Variants in PPP2R3A observed in about 807,000 individuals in gnomAD.
PPP2R3A encodes the protein protein phosphatase 2 regulatory subunit B''alpha.
A neutral mutation model predicts 106.9 loss-of-function variants in PPP2R3A; 80 were observed. The ratio of observed to expected loss-of-function variants is 0.75; its 90% confidence interval spans 0.62 to 0.90. The LOEUF (loss-of-function observed/expected upper bound fraction) is 0.90, where lower values mean the gene tolerates loss of function less well. PPP2R3A is among the 40% of genes least tolerant of loss of function. PPP2R3A has a pLI of 0.00. For synonymous variants in PPP2R3A, 483 were observed against 468.3 expected, an observed-to-expected ratio of 1.03 and a Z score of -0.41; for missense variants, 1,386 against 1,350.4, an observed-to-expected ratio of 1.03 and a Z score of -0.41.
chr3:136,052,451 G>T (rs187097994), intron 5 of PPP2R3A, among the ~76,000 whole-genome samples: 339 of 152,170 alleles, frequency 2.2e-3, no homozygotes, highest in Middle Eastern at 6.8e-3. Flanking sequence ...TGTTCCTTTG[G>T]CCCTCAGGAC....
At chr3:136,040,351 C>T (rs553110483) in intron 3 of PPP2R3A, among the ~76,000 whole-genome samples, 20 of 152,198 alleles carry the variant, frequency 1.3e-4, no homozygotes, top group African/African-American at 4.3e-4. Flanking sequence ...ACCAGCCTGG[C>T]CAACATGGTG....
chr3:136,049,138 T>C lies in PPP2R3A; in HGVS notation c.2367-121T>C. ...CTAAAACATCCTTTGATTATGTAAA[T>C]TCCTTACTTGATTGTTGATCTGAGT... is the stretch of plus-strand genomic sequence containing the variant. On this transcript the variant is annotated intron_variant, in intron 4 of 13. Coordinates refer to ENST00000264977, the MANE Select transcript of PPP2R3A (RefSeq NM_002718.5). 3 of 698,128 alleles carry C rather than the reference T, an allele frequency of 4.3e-6. No homozygotes were observed. The Admixed American group carries it at 8.0e-5, about 19-fold the overall frequency. 43.2% of individuals were successfully genotyped at this position (698,128 alleles called of 1,614,324 possible). A position where few individuals can be genotyped will look rare whatever the true frequency, so the allele number is the denominator to read the frequency against.
chr3:136,071,824 A>G (rs1576480180), intron 6 of PPP2R3A, among the ~76,000 whole-genome samples: 1 of 152,220 alleles, frequency 6.6e-6, no homozygotes, highest in Non-Finnish European at 1.5e-5. Flanking sequence ...TTCAGCCACC[A>G]TGAGCAAACC....
intron 4 of PPP2R3A, among the ~76,000 whole-genome samples, chr3:136,048,480 G>A (rs1935552609): frequency 6.6e-6 from 1 of 152,088 alleles, no homozygotes; most frequent in Admixed American, 6.5e-5. Flanking sequence ...AGAACATCCT[G>A]GCCAACATGG....
chr3:136,114,262 C>A (rs777391452), intron 13 of PPP2R3A, among the ~76,000 whole-genome samples: 14 of 152,232 alleles, frequency 9.2e-5, no homozygotes, highest in Admixed American at 5.9e-4. Flanking sequence ...ACAGTCTTCA[C>A]TACCCACAGA....
Position 136,003,297 on chromosome 3 carries a change from A to T in PPP2R3A, c.1799A>T (p.Asp600Val). ...CTGCGAATCCTGGAAAGCATTGAAG[A>T]CTTTGCTCAAGAACTAGTTGAATGC... ...LLLRILESIEDFAQELVECKS... is the reference protein window; with the variant it reads ...LLLRILESIEVFAQELVECKS... The change falls in exon 2 of 14, where the codon GAC becomes GTC. Residue 600 changes from aspartate to valine, a missense_variant. By Grantham distance (152) the Asp-to-Val change is radical. Coordinates refer to ENST00000264977, the MANE Select transcript of PPP2R3A (RefSeq NM_002718.5). The T allele has an allele frequency of 6.2e-7, 1 of 1,614,020 alleles. No individual in the cohort carries two copies. Among genetic ancestry groups the T allele is most frequent in the Non-Finnish European group, 8.5e-7 (1 of 1,179,952 alleles).
At chr3:136,039,086 G>T (rs1241076013) in intron 3 of PPP2R3A, among the ~76,000 whole-genome samples, 1 of 152,068 alleles carries the variant, frequency 6.6e-6, no homozygotes. Flanking sequence ...GTTCTTTCAG[G>T]ATAACTAATG....
intron 2 of PPP2R3A, among the ~76,000 whole-genome samples, chr3:136,013,159 T>G (rs1414281567): frequency 1.9e-5 from 2 of 102,838 alleles, no homozygotes; most frequent in Non-Finnish European, 2.2e-5. Context: ...TATTCCATGG[T>G]GTGTGTGTGT....
intron 3 of PPP2R3A, among the ~76,000 whole-genome samples, chr3:136,038,118 G>A (rs972257453): frequency 6.6e-6 from 1 of 152,026 alleles, no homozygotes; most frequent in Non-Finnish European, 1.5e-5. Context: ...TGATTTTTAA[G>A]CAGATGCAGG....
At chr3:135,988,977 C>T (rs191488052) in intron 1 of PPP2R3A, among the ~76,000 whole-genome samples, 40 of 152,136 alleles carry the variant, frequency 2.6e-4, no homozygotes, top group African/African-American at 9.4e-4. Context: ...TCGTATCTCT[C>T]CATTATATAT....
chr3:136,079,308 C>T (rs190795842), intron 7 of PPP2R3A: 3 of 310,494 alleles, frequency 9.7e-6, no homozygotes, highest in South Asian at 2.8e-5. Context: ...GTTAAAATGG[C>T]AGTAATTCCA....
intron 10 of PPP2R3A, among the ~76,000 whole-genome samples, chr3:136,100,931 A>G (rs1398510363): frequency 6.6e-6 from 1 of 152,244 alleles, no homozygotes; most frequent in African/African-American, 2.4e-5. Context: ...GGCATTTTCA[A>G]AGACCCAAGA....
intron 3 of PPP2R3A, among the ~76,000 whole-genome samples, chr3:136,028,854 T>G (rs1186590180): frequency 2.0e-5 from 3 of 152,072 alleles, no homozygotes; most frequent in Admixed American, 2.0e-4. Context: ...TGTTGTTTTG[T>G]TTTGTTTTGT....
Position 136,129,042 on chromosome 3 carries a change from G to A in PPP2R3A, c.3330-16001G>A, listed in dbSNP as rs141833344. Among the ~76,000 whole-genome samples the A allele has an allele frequency of 2.9e-3, 447 of 152,076 alleles. 4 individuals are homozygous for A. Among genetic ancestry groups the A allele is most frequent in the South Asian group, 8.5e-3 (41 of 4,812 alleles). ...CAGTGTATGGAGGGAAATTTATAGC[G>A]CTAAATGCCCACAAGAGAAAGCAGG... On this transcript the variant is annotated intron_variant, in intron 13 of 13. Transcript: ENST00000264977.
chr3:136,097,355 C>A (rs1486992089), intron 10 of PPP2R3A, among the ~76,000 whole-genome samples: 1 of 152,184 alleles, frequency 6.6e-6, no homozygotes, highest in African/African-American at 2.4e-5. Flanking sequence ...GCAGCCTGTT[C>A]ATTTTTCTCT....
At chr3:136,134,568 A>C (rs1460134228) in intron 13 of PPP2R3A, among the ~76,000 whole-genome samples, 1 of 152,226 alleles carries the variant, frequency 6.6e-6, no homozygotes, top group East Asian at 1.9e-4. Flanking sequence ...ATTGTGATAT[A>C]ATCTCAGTAC....
intron 1 of PPP2R3A, among the ~76,000 whole-genome samples, chr3:135,986,933 T>C (rs1037501910): frequency 1.3e-5 from 2 of 152,176 alleles, no homozygotes; most frequent in African/African-American, 4.8e-5. Context: ...TTATTTATGT[T>C]CTGTTGCTTA....
At chr3:136,095,384 T>C (rs1361439343) in intron 10 of PPP2R3A, among the ~76,000 whole-genome samples, 1 of 152,244 alleles carries the variant, frequency 6.6e-6, no homozygotes, top group African/African-American at 2.4e-5. Context: ...TGAGATTCCA[T>C]TCTTTGCCAG....
At chr3:136,124,612 A>T (rs1299921065) in intron 13 of PPP2R3A, among the ~76,000 whole-genome samples, 4 of 152,164 alleles carry the variant, frequency 2.6e-5, no homozygotes, top group Non-Finnish European at 5.9e-5. Flanking sequence ...AAAAAAGAGC[A>T]AACAAGACCA....
Sources: gnomAD v4.1 joint callset for allele counts (sites outside exome capture counted in the v4.1 genomes callset) on GRCh38, gnomAD v4.1.1 for gene constraint, MANE v1.5 for transcripts, NCBI Gene and HGNC (gene_info 2026-07-23, HGNC 2026-07-21) for gene names.